PLXNC1: variants seen among roughly 807,000 people sequenced by gnomAD.
PLXNC1 encodes the protein plexin-C1.
In PLXNC1, 75 loss-of-function variants were observed where a neutral mutation model predicts 178.2. The observed-to-expected ratio is 0.42, with a 90% CI of 0.35 to 0.51. The LOEUF is 0.51. PLXNC1 is among the 20% of genes least tolerant of loss of function. The pLI, the probability that PLXNC1 is intolerant of heterozygous loss-of-function variation, is 0.02. For synonymous variants in PLXNC1, 790 were observed against 779.9 expected (o/e 1.01, Z -0.22); for missense variants, 1,503 against 1,984.4 (o/e 0.76, Z 4.61).
intron 4 of PLXNC1, among the ~76,000 whole-genome samples, chr12:94,205,523 G>GA (rs1156237155): frequency 1.3e-5 from 2 of 152,136 alleles, no homozygotes; most frequent in Admixed American, 6.5e-5. Context: ...TTCTATGGGG[G>GA]AAAAATGCAT....
intron 9 of PLXNC1, among the ~76,000 whole-genome samples, chr12:94,236,226 T>A (rs933392274): frequency 2.0e-5 from 3 of 152,242 alleles, no homozygotes; most frequent in Non-Finnish European, 4.4e-5. Context: ...CTGTGTCATG[T>A]TACATCATTG....
Position 94,260,844 on chromosome 12 carries a change from A to G in PLXNC1, c.3450+4A>G, listed in dbSNP as rs759529490. Reference sequence around the variant, plus strand: ...CTGCCTTTCTGGATTTCTCCGGGTAAGTGTCACATCCCTCAGCAATGTCAG... The same window carrying G: ...CTGCCTTTCTGGATTTCTCCGGGTAGGTGTCACATCCCTCAGCAATGTCAG... On this transcript the variant is annotated splice_donor_region_variant and intron_variant, in intron 20 of 30. Transcript: ENST00000258526. This position sits in a 1 kb window ranked among gnomAD's most constrained non-coding sequence, Gnocchi z 4.4. The G allele has an allele frequency of 2.5e-6, 4 of 1,613,636 alleles. No individual in the cohort carries two copies. Among genetic ancestry groups the G allele is most frequent in the Non-Finnish European group, 8.5e-7 (1 of 1,179,668 alleles).
At chr12:94,154,208 T>C (rs1009198580) in intron 1 of PLXNC1, among the ~76,000 whole-genome samples, 1 of 152,208 alleles carries the variant, frequency 6.6e-6, no homozygotes, top group Non-Finnish European at 1.5e-5. Context: ...GCAAGGACTG[T>C]AGTTATCATG....
intron 1 of PLXNC1, among the ~76,000 whole-genome samples, chr12:94,153,324 G>C (rs1243307306): frequency 6.6e-6 from 1 of 152,230 alleles, no homozygotes; most frequent in Non-Finnish European, 1.5e-5. Context: ...AGGATGTGGG[G>C]TTGAGGCTAG....
At chr12:94,195,737 C>T (rs903594300) in intron 4 of PLXNC1, among the ~76,000 whole-genome samples, 16 of 152,196 alleles carry the variant, frequency 1.1e-4, no homozygotes, top group South Asian at 2.1e-4. Flanking sequence ...GGCTGTTCCA[C>T]GCATGAGATC....
At chr12:94,189,126 C>T (rs996926125) in intron 4 of PLXNC1, among the ~76,000 whole-genome samples, 3 of 152,204 alleles carry the variant, frequency 2.0e-5, no homozygotes, top group African/African-American at 4.8e-5. Flanking sequence ...TCTCAAGCTG[C>T]GTTCAGCTTT....
intron 5 of PLXNC1, among the ~76,000 whole-genome samples, chr12:94,212,267 C>A (rs1466236815): frequency 3.4e-5 from 3 of 87,236 alleles, no homozygotes; most frequent in Non-Finnish European, 6.5e-5. Flanking sequence ...GAGCGAGACT[C>A]CGTCTCAAAA....
At position 94,307,605 on chromosome 12, in the gene PLXNC1, T is replaced by C. The variant is rs945452122; in HGVS notation, c.*2320T>C. On this transcript the variant is annotated 3_prime_UTR_variant, in exon 31 of 31. Transcript: ENST00000258526. Reference sequence around the variant, plus strand: ...AGTCTATTTCTTATTGTATACCTGATTGAAGCTGTTCTTGGAGATGAATGT... The same window carrying C: ...AGTCTATTTCTTATTGTATACCTGACTGAAGCTGTTCTTGGAGATGAATGT... 1 of 152,180 alleles carries C rather than the reference T, an allele frequency of 6.6e-6. No homozygotes were observed. Among genetic ancestry groups the C allele is most frequent in the Non-Finnish European group, 1.5e-5 (1 of 68,038 alleles). 9.4% of individuals were successfully genotyped at this position (152,180 alleles called of 1,614,324 possible). A position where few individuals can be genotyped will look rare whatever the true frequency, so the allele number is the denominator to read the frequency against.
chr12:94,266,055 G>C (rs563314792), intron 21 of PLXNC1, among the ~76,000 whole-genome samples: 2 of 152,288 alleles, frequency 1.3e-5, no homozygotes, highest in South Asian at 4.1e-4. Flanking sequence ...TCACGATCTC[G>C]TTAGTGGAGG....
chr12:94,300,411 G>T (rs897448290), intron 27 of PLXNC1, among the ~76,000 whole-genome samples: 2 of 152,150 alleles, frequency 1.3e-5, no homozygotes, highest in Non-Finnish European at 2.9e-5. Context: ...GCACGTGCTT[G>T]CTTGGCCCAT....
chr12:94,212,346 T>C (rs1963500745), intron 5 of PLXNC1, among the ~76,000 whole-genome samples: 1 of 151,956 alleles, frequency 6.6e-6, no homozygotes, highest in East Asian at 1.9e-4. Flanking sequence ...TTTATTATAC[T>C]TTAAGTTCTA....
rs1162140443 is a variant in PLXNC1, at chr12:94,303,881, A to G, written c.4512A>G (p.Leu1504=). The G allele has an allele frequency of 1.2e-6, 2 of 1,609,248 alleles. No individual in the cohort carries two copies. Among genetic ancestry groups the G allele is most frequent in the South Asian group, 2.2e-5 (2 of 89,926 alleles). Residue 1504 remains leucine (L), a synonymous_variant, in exon 29 of 31, where the codon TTA becomes TTG. Coordinates refer to ENST00000258526, the MANE Select transcript of PLXNC1 (RefSeq NM_005761.3). Reference sequence around the variant, plus strand: ...CATCCTCAGAAATGGAAGAATTTTTAACTCAGGAATCTAAGGTATCATTAG... The same window carrying G: ...CATCCTCAGAAATGGAAGAATTTTTGACTCAGGAATCTAAGGTATCATTAG... ...PLSSSEMEEF[L]TQESKKHENE...
chr12:94,263,381 G>C (rs969990480), intron 20 of PLXNC1, among the ~76,000 whole-genome samples: 2 of 152,182 alleles, frequency 1.3e-5, no homozygotes, highest in Admixed American at 6.5e-5. Flanking sequence ...GCAGAGTGTA[G>C]GGCCAGATGT....
chr12:94,189,763 G>T (rs1962656387), intron 4 of PLXNC1, among the ~76,000 whole-genome samples: 1 of 152,144 alleles, frequency 6.6e-6, no homozygotes. Flanking sequence ...GTCATGGAGG[G>T]ATGGAGTTAT....
At chr12:94,304,864 T>A (rs1968840995) in intron 30 of PLXNC1, among the ~76,000 whole-genome samples, 1 of 152,214 alleles carries the variant, frequency 6.6e-6, no homozygotes, top group Non-Finnish European at 1.5e-5. Flanking sequence ...CTTGCCTGCA[T>A]GTTGGCTGCC....
chr12:94,173,163 A>G (rs1413356360), intron 2 of PLXNC1, among the ~76,000 whole-genome samples: 2 of 151,962 alleles, frequency 1.3e-5, no homozygotes, highest in South Asian at 2.1e-4. Context: ...GTCACACTGA[A>G]CTCAGCTTTG....
In PLXNC1 at chr12:94,224,320, G is replaced by C; in HGVS notation, c.1790+5G>C. On this transcript the variant is annotated splice_donor_5th_base_variant and intron_variant, in intron 7 of 30. Coordinates refer to ENST00000258526, the MANE Select transcript of PLXNC1 (RefSeq NM_005761.3). ...CAACTGCTCATCATTAAAAGAGTAA[G>C]ATTTTATTTGAAATTTGAATATTCT... 1 of 1,385,622 alleles carries C rather than the reference G, an allele frequency of 7.2e-7. No individual in the cohort carries two copies. Among genetic ancestry groups the C allele is most frequent in the Non-Finnish European group, 1.0e-6 (1 of 971,974 alleles). The allele number at this position is 1,385,622 out of a possible 1,614,324, so 85.8% of individuals were successfully genotyped here.
intron 2 of PLXNC1, 23 bp from the exon 3 acceptor site, chr12:94,181,423 C>T: frequency 7.3e-7 from 1 of 1,378,944 alleles, no homozygotes; most frequent in Non-Finnish European, 1.0e-6. Context: ...AATCATGTTT[C>T]TCTTTTTGAA....
At chr12:94,211,836 CT>C (rs761188366) in intron 5 of PLXNC1, among the ~76,000 whole-genome samples, 2 of 152,156 alleles carry the variant, frequency 1.3e-5, no homozygotes, top group Non-Finnish European at 1.5e-5. Flanking sequence ...AAAAATGCCC[CT>C]GTATATGTTT....
Sources: gnomAD v4.1 joint callset for allele counts (sites outside exome capture counted in the v4.1 genomes callset) on GRCh38, gnomAD v4.1.1 for gene constraint, Gnocchi (gnomAD v3.1) non-coding constraint, MANE v1.5 for transcripts, NCBI Gene and HGNC (gene_info 2026-07-23, HGNC 2026-07-21) for gene names.